The following TTC6 variants were observed in gnomAD, a reference collection of about 807,000 sequenced individuals.
TTC6 encodes tetratricopeptide repeat protein 6.
TTC6 carries 172 observed loss-of-function variants against 210.4 expected under a neutral mutation model. The observed-to-expected ratio is 0.82, with a 90% CI of 0.72 to 0.93. The LOEUF is 0.93. Among genes scored for constraint, TTC6 ranks in the 40% least tolerant of loss-of-function variants. The pLI, the probability that TTC6 is intolerant of heterozygous loss-of-function variation, is 0.00. For missense variants in TTC6, 2,414 were observed against 2,318.1 expected, an observed-to-expected ratio of 1.04 and a Z score of -0.85; for synonymous variants, 804 against 819.6, an observed-to-expected ratio of 0.98 and a Z score of 0.32.
At chr14:37,786,546 A>G (rs1047504768) in intron 14 of TTC6, among the ~76,000 whole-genome samples, 1 of 152,194 alleles carries the variant, frequency 6.6e-6, no homozygotes, top group Non-Finnish European at 1.5e-5. Flanking sequence ...TGGCTAGGAA[A>G]GGGAATTCCC....
intron 14 of TTC6, among the ~76,000 whole-genome samples, chr14:37,784,580 G>A (rs1345209670): frequency 1.3e-5 from 2 of 152,064 alleles, no homozygotes; most frequent in Middle Eastern, 3.2e-3. Context: ...TATCCAATTT[G>A]CCAGTCTGTG....
At chr14:37,721,758 T>C (rs899672468) in intron 6 of TTC6, among the ~76,000 whole-genome samples, 7 of 150,740 alleles carry the variant, frequency 4.6e-5, no homozygotes, top group African/African-American at 9.7e-5. Flanking sequence ...TGTGTGGAGA[T>C]TGAATAAAAT....
At chr14:37,733,978 C>T (rs1998427) in intron 7 of TTC6, among the ~76,000 whole-genome samples, 93,965 of 151,822 alleles carry the variant, frequency 0.62, 30,560 homozygotes, top group East Asian at 0.9. Context: ...CTATTTTTCC[C>T]TAAATCTGTT....
intron 14 of TTC6, among the ~76,000 whole-genome samples, chr14:37,768,185 G>A (rs982886214): frequency 1.3e-5 from 2 of 150,598 alleles, no homozygotes; most frequent in African/African-American, 4.8e-5. Flanking sequence ...CCAGTACCAT[G>A]CTGTTTTGGT....
At position 37,832,685 on chromosome 14, in the gene TTC6, T is replaced by C. The variant is rs1047124615; in HGVS notation, c.5298+5319T>C. Among the ~76,000 whole-genome samples, 41 of 152,182 alleles carry C rather than the reference T, an allele frequency of 2.7e-4. 1 individual carries two copies. Among genetic ancestry groups the C allele is most frequent in the Admixed American group, 1.8e-3 (27 of 15,272 alleles). ...GGTCTGAGAAGATACTTGATATGAT[T>C]TTGATTTTTATTATTTGTTGAGACT... On this transcript the variant is annotated intron_variant, in intron 29 of 30. Coordinates refer to ENST00000553443, the Ensembl canonical transcript of TTC6.
intron 16 of TTC6, among the ~76,000 whole-genome samples, chr14:37,791,381 G>C (rs67863208): frequency 0.16 from 25,012 of 152,098 alleles, 2,244 homozygotes; most frequent in East Asian, 0.36. Context: ...AAGTCAAACT[G>C]TAAATCACAG....
At chr14:37,747,302 C>T (rs531073246) in intron 10 of TTC6, among the ~76,000 whole-genome samples, 1 of 152,258 alleles carries the variant, frequency 6.6e-6, no homozygotes, top group Non-Finnish European at 1.5e-5. Flanking sequence ...TGTCAGTGAA[C>T]ATCCCAATCA....
intron 4 of TTC6, 29 bp downstream of exon 6, chr14:37,696,864 A>G (rs1035839224): frequency 5.8e-6 from 6 of 1,042,854 alleles, no homozygotes; most frequent in Non-Finnish European, 7.8e-6. Context: ...TAATTTTTCT[A>G]TTGGGAGAGG....
chr14:37,799,771 C>T (rs539457306), intron 20 of TTC6, among the ~76,000 whole-genome samples: 5 of 152,080 alleles, frequency 3.3e-5, no homozygotes, highest in South Asian at 2.1e-4. Context: ...CATAAGGAAA[C>T]GAAACCCACC....
chr14:37,742,695 G>A (rs1290726188), intron 10 of TTC6, among the ~76,000 whole-genome samples: 1 of 151,962 alleles, frequency 6.6e-6, no homozygotes, highest in Non-Finnish European at 1.5e-5. Flanking sequence ...TGAGATTATA[G>A]GCATGAACCA....
intron 14 of TTC6, among the ~76,000 whole-genome samples, chr14:37,767,780 G>C (rs1203236271): frequency 1.3e-5 from 2 of 150,952 alleles, no homozygotes; most frequent in African/African-American, 4.9e-5. Context: ...AGTTTCTTTT[G>C]CTGTGCAGAA....
intron 1 of TTC6, 53 bp downstream of exon 3, chr14:37,623,056 A>G (rs973410313): frequency 1.5e-6 from 2 of 1,300,114 alleles, no homozygotes; most frequent in Non-Finnish European, 2.0e-6. Context: ...TTTGGGTTAC[A>G]TTACATATGT....
chr14:37,799,723 A>T (rs1433223414), intron 20 of TTC6, among the ~76,000 whole-genome samples: 1 of 152,186 alleles, frequency 6.6e-6, no homozygotes, highest in Non-Finnish European at 1.5e-5. Context: ...ATCTTCAGCC[A>T]ATAGCCAGTA....
chr14:37,657,212 C>CAAAAAAAAAAAAA (rs61052302), intron 1 of TTC6, among the ~76,000 whole-genome samples: 2 of 35,652 alleles, frequency 5.6e-5, no homozygotes, highest in African/African-American at 9.4e-5. Flanking sequence ...AACTCTGTCT[C>CAAAAAAAAAAAAA]AAAAAAAAAA....
intron 24 of TTC6, among the ~76,000 whole-genome samples, chr14:37,809,203 A>G (rs987636241): frequency 3.9e-5 from 6 of 152,068 alleles, no homozygotes; most frequent in Non-Finnish European, 7.4e-5. Context: ...AATTAAATAC[A>G]TTACATAATT....
chr14:37,665,156 C>T (rs2095745326), intron 1 of TTC6, among the ~76,000 whole-genome samples: 1 of 150,064 alleles, frequency 6.7e-6, no homozygotes, highest in South Asian at 2.1e-4. Context: ...GGGTATATAC[C>T]CAAAAGAATA....
In TTC6 at chr14:37,664,174, A is replaced by G. The variant is rs1403469210; in HGVS notation, c.940-15977A>G. On this transcript the variant is annotated intron_variant, in intron 1 of 30. Coordinates refer to ENST00000553443, the Ensembl canonical transcript of TTC6. ...CTATTTTAAAGCTCATGTGGAACAA[A>G]AAAAGAGCCCATGTAGCCAAGGCAA... Among the ~76,000 whole-genome samples the G allele has an allele frequency of 1.3e-5, 2 of 150,724 alleles. 1 individual carries two copies. The highest frequency in any genetic ancestry group is 3.0e-5 in the Non-Finnish European group (2 of 67,166).
chr14:37,658,174 AATT>A (rs1265836612), intron 1 of TTC6, among the ~76,000 whole-genome samples: 3 of 152,356 alleles, frequency 2.0e-5, no homozygotes, highest in African/African-American at 7.2e-5. Flanking sequence ...AATTTCATGT[AATT>A]ATTCTCACTT....
exon 1 of TTC6, chr14:37,622,431 C>T: frequency 6.5e-7 from 1 of 1,534,968 alleles, no homozygotes; most frequent in Non-Finnish European, 8.7e-7. Context: ...CTTTTACTTG[C>T]GGAGCTCCGC....
Sources: allele counts gnomAD v4.1 joint callset (sites outside exome capture counted in the v4.1 genomes callset), GRCh38; gene constraint gnomAD v4.1.1; transcripts MANE v1.5; gene names NCBI Gene and HGNC (gene_info 2026-07-23, HGNC 2026-07-21).